The following TUT4 variants were observed in gnomAD, a reference collection of about 807,000 sequenced individuals.
The protein encoded by TUT4 is terminal uridylyl transferase 4.
A neutral mutation model predicts 192.2 loss-of-function variants in TUT4; 36 were observed. The ratio of observed to expected loss-of-function variants is 0.19; its 90% CI spans 0.14 to 0.25. TUT4 has a LOEUF of 0.25. TUT4 is among the 10% of genes least tolerant of loss of function. The pLI, the probability that TUT4 is intolerant of heterozygous loss-of-function variation, is 1.00. For synonymous variants in TUT4, 618 were observed against 666.0 expected (o/e 0.93, Z 1.11); for missense variants, 1,493 against 1,957.2 (o/e 0.76, Z 4.47).
At position 52,525,809 on chromosome 1, in the gene TUT4, C is replaced by G; in HGVS notation, c.472G>C (p.Ala158Pro). 1 of 1,614,166 alleles carries G rather than the reference C, an allele frequency of 6.2e-7. No homozygotes were observed. The highest frequency in any genetic ancestry group is 8.5e-7 in the Non-Finnish European group (1 of 1,180,032). ...AAACTGGGTCCCTTTTCTGCTTCTG[C>G]TGGTGAACTTGGTACTTTTTCTGAC... The part of the protein sequence containing the change: ...MKSEKVPSSP[A>P]EAEKGPSLLL... Residue 158 changes from alanine (A) to proline (P), a missense_variant, in exon 2 of 30, where the codon GCA becomes CCA. Around this residue, in one of 7 missense-constraint regions of TUT4, gnomAD observed 260 missense variants for 247.8 expected, o/e 1.05. Coordinates refer to ENST00000257177, the MANE Select transcript of TUT4 (RefSeq NM_001009881.3).
chr1:52,542,906 C>T (rs1414765727), intron 1 of TUT4, among the ~76,000 whole-genome samples: 1 of 152,014 alleles, frequency 6.6e-6, no homozygotes, highest in African/African-American at 2.4e-5. Context: ...GGATTACAGG[C>T]CACTATGCCC....
At chr1:52,504,586 C>T (rs533767355) in intron 4 of TUT4, among the ~76,000 whole-genome samples, 3 of 152,122 alleles carry the variant, frequency 2.0e-5, no homozygotes, top group East Asian at 1.9e-4. Context: ...GATGAGATAG[C>T]GCCACTGCAC....
chr1:52,490,805 A>G lies in TUT4; in HGVS notation c.1319-4T>C, dbSNP rs759458601. 1.2e-6 allele frequency: 2 copies of G among 1,606,258 alleles called. No homozygotes were observed. Among genetic ancestry groups the G allele is most frequent in the Non-Finnish European group, 8.5e-7 (1 of 1,175,968 alleles). ...GATTCCACATCTACATATAATACTA[A>G]TAAGGAAAAAAAAAAGTAAGCTAAT... On this transcript the variant is annotated splice_region_variant and splice_polypyrimidine_tract_variant and intron_variant, in intron 7 of 29. Coordinates refer to ENST00000257177, the MANE Select transcript of TUT4 (RefSeq NM_001009881.3).
In TUT4 at chr1:52,438,515, G is replaced by C. The variant is rs556823290; in HGVS notation, c.3823-180C>G. Reference sequence around the variant, plus strand: ...ATTCACAATCATCATCATCACAGTTGCTAATAGTACTAACCAAGTTACATC... The same window carrying C: ...ATTCACAATCATCATCATCACAGTTCCTAATAGTACTAACCAAGTTACATC... On this transcript the variant is annotated intron_variant, in intron 24 of 29. Transcript: ENST00000257177. Among the ~76,000 whole-genome samples, 30 of 152,318 alleles carry C rather than the reference G, an allele frequency of 2.0e-4. No individual in the cohort carries two copies. The South Asian group carries it at 5.8e-3, about 29-fold the overall frequency.
intron 3 of TUT4, 25 bp from the exon 4 acceptor site, chr1:52,509,737 C>G: frequency 7.5e-7 from 1 of 1,339,376 alleles, no homozygotes. Context: ...TTTAAAAATG[C>G]ACTTTATTCA....
At position 52,481,909 on chromosome 1, in the gene TUT4, G is replaced by C; in HGVS notation, c.1530C>G (p.Asp510Glu). 3.8e-6 allele frequency: 6 copies of C among 1,579,954 alleles called. No homozygotes were observed. Among genetic ancestry groups the C allele is most frequent in the Non-Finnish European group, 5.1e-6 (6 of 1,170,060 alleles). The stretch of plus-strand genomic sequence containing the variant: ...AAGGGATTCCACCATCAGTTTGGGA[G>C]TCAATATAGCACAACTGCAAAATGA... ...FRYWAKLCYI[D>E]SQTDGGIPSY... Residue 510 changes from aspartate to glutamate, a missense_variant, in exon 10 of 30, where the codon GAC becomes GAG. Asp to Glu is a conservative substitution (Grantham distance 45, BLOSUM62 2). Transcript: ENST00000257177.
chr1:52,443,394 C>A (rs1020314493), intron 24 of TUT4, among the ~76,000 whole-genome samples: 1 of 151,660 alleles, frequency 6.6e-6, no homozygotes, highest in Non-Finnish European at 1.5e-5. Flanking sequence ...CAACACCAAC[C>A]TGACCAGCAT....
chr1:52,436,265 C>T (rs1211017735), intron 26 of TUT4, among the ~76,000 whole-genome samples: 1 of 152,140 alleles, frequency 6.6e-6, no homozygotes, highest in Non-Finnish European at 1.5e-5. Context: ...GTGGGTGGAT[C>T]ACCTGAGGTC....
At chr1:52,427,676 G>A (rs1352700552) in intron 28 of TUT4, among the ~76,000 whole-genome samples, 1 of 152,206 alleles carries the variant, frequency 6.6e-6, no homozygotes, top group African/African-American at 2.4e-5. Context: ...TTTTTGCTCA[G>A]CAAAATACCT....
chr1:52,474,759 T>G, intron 13 of TUT4, 73 bp downstream of exon 13: 1 of 1,283,360 alleles, frequency 7.8e-7, no homozygotes, highest in South Asian at 1.5e-5. Flanking sequence ...TTTTTACATT[T>G]CTAATCTAAA....
intron 16 of TUT4, chr1:52,463,213 CA>C: frequency 1.0e-6 from 1 of 984,802 alleles, no homozygotes; most frequent in East Asian, 1.1e-4. Context: ...ATAAATTTTA[CA>C]TAGAAGATAT....
At position 52,436,966 on chromosome 1, in the gene TUT4, A is replaced by G; in HGVS notation, c.3951T>C (p.Phe1317=). 6.2e-7 allele frequency: 1 copy of G among 1,613,680 alleles called. No homozygotes were observed. The highest frequency in any genetic ancestry group is 1.3e-5 in the African/African-American group (1 of 74,930). Residue 1317 remains phenylalanine (F), a synonymous_variant, in exon 26 of 30, where the codon TTT becomes TTC. Transcript: ENST00000257177. ...CTTCACTGTCTTTCTTCTTTAGTCT[A>G]AACAGTAAACTGCTGATACCAATAA... The part of the protein sequence containing the change: ...DCPKRKSSLL[F]RLKKKDSEEE...
intron 1 of TUT4, among the ~76,000 whole-genome samples, chr1:52,536,537 A>T (rs114079701): frequency 0.021 from 3,217 of 152,316 alleles, 46 homozygotes; most frequent in Non-Finnish European, 0.031. Context: ...TTTAAATGTA[A>T]ATGAATTAAA....
intron 6 of TUT4, 44 bp from the exon 7 acceptor site, chr1:52,493,706 T>G (rs1473239204): frequency 4.1e-6 from 5 of 1,226,470 alleles, no homozygotes; most frequent in Non-Finnish European, 5.8e-6. Context: ...ATTTCAAAGT[T>G]CGGACAGCAG....
At chr1:52,527,586 T>TAA (rs1033002914) in intron 1 of TUT4, among the ~76,000 whole-genome samples, 1 of 150,576 alleles carries the variant, frequency 6.6e-6, no homozygotes, top group Non-Finnish European at 1.5e-5. Context: ...CTTAAGAGTT[T>TAA]AAAAAAAAAC....
rs1404970888 is a variant in TUT4, at chr1:52,474,969, T to A, written c.2590A>T (p.Ser864Cys). The change falls in exon 13 of 30, where the codon AGT (serine) becomes TGT (cysteine). Residue 864 changes from serine to cysteine, a missense_variant. Ser to Cys is a moderately radical substitution (Grantham distance 112, BLOSUM62 -1). Around this residue, in one of 7 missense-constraint regions of TUT4, gnomAD observed 245 missense variants for 218.4 expected, o/e 1.12. Coordinates refer to ENST00000257177, the MANE Select transcript of TUT4 (RefSeq NM_001009881.3). ...SNLETESSHQ[S>C]VCTDTSATSC... ...GTAGCAGATGTGTCGGTGCACACAC[T>A]CTGATGTGAACTCTCTGTTTCTAAA... 4 of 1,614,202 alleles carry A rather than the reference T, an allele frequency of 2.5e-6. No homozygotes were observed. Among genetic ancestry groups the A allele is most frequent in the South Asian group, 2.2e-5 (2 of 91,086 alleles).
intron 28 of TUT4, 135 bp from the exon 29 acceptor site, chr1:52,425,642 A>G: frequency 2.8e-6 from 3 of 1,073,768 alleles, no homozygotes; most frequent in Non-Finnish European, 3.9e-6. Context: ...ATACCAAACA[A>G]ACTTTTTTAA....
At chr1:52,424,962 C>T (rs1649343495) in intron 29 of TUT4, 1 of 158,170 alleles carries the variant, frequency 6.3e-6, no homozygotes, top group Non-Finnish European at 1.4e-5. Flanking sequence ...TATATTAATC[C>T]CTCAGCTAAG....
chr1:52,498,811 T>C (rs1673170225), intron 4 of TUT4, among the ~76,000 whole-genome samples: 1 of 146,136 alleles, frequency 6.8e-6, no homozygotes, highest in African/African-American at 2.5e-5. Context: ...CGTTTCAACC[T>C]CGGAGGTGGA....
Sources: gnomAD v4.1 joint callset for allele counts (sites outside exome capture counted in the v4.1 genomes callset) on GRCh38, gnomAD v4.1.1 for gene constraint, gnomAD v4.1.1 regional missense constraint, MANE v1.5 for transcripts, NCBI Gene and HGNC (gene_info 2026-07-23, HGNC 2026-07-21) for gene names.